Variants in CTNNA3 observed in about 807,000 individuals in gnomAD.
The protein encoded by CTNNA3 is catenin alpha-3.
Under a neutral mutation model 95.7 loss-of-function variants are expected in CTNNA3, and 76 were observed. The ratio of observed to expected loss-of-function variants is 0.79; its 90% CI spans 0.66 to 0.96. The LOEUF (loss-of-function observed/expected upper bound fraction) is 0.96, where lower values mean the gene tolerates loss of function less well. Among genes scored for constraint, CTNNA3 ranks in the 40% least tolerant of loss-of-function variants. CTNNA3 has a pLI of 0.00. For missense variants in CTNNA3, 1,191 were observed against 1,089.8 expected (o/e 1.09, Z -1.31); for synonymous variants, 431 against 374.4 (o/e 1.15, Z -1.74).
At chr10:66,831,781 C>A (rs566010382) in intron 7 of CTNNA3, among the ~76,000 whole-genome samples, 77 of 152,194 alleles carry the variant, frequency 5.1e-4, no homozygotes, top group Middle Eastern at 7.0e-3. Flanking sequence ...TGAAAACAAT[C>A]CACTATTTTT....
At chr10:66,778,678 T>C (rs949216704) in intron 7 of CTNNA3, among the ~76,000 whole-genome samples, 1 of 148,610 alleles carries the variant, frequency 6.7e-6, no homozygotes, top group Admixed American at 6.7e-5. Flanking sequence ...AAGACTTTAT[T>C]AAAAAAAAAA....
intron 2 of CTNNA3, among the ~76,000 whole-genome samples, chr10:67,644,757 AATT>A (rs1839653169): frequency 2.0e-5 from 3 of 151,958 alleles, no homozygotes; most frequent in Non-Finnish European, 4.4e-5. Flanking sequence ...ATATTATATA[AATT>A]ATTAATATTT....
At chr10:65,960,398 A>G (rs548225189) in intron 17 of CTNNA3, among the ~76,000 whole-genome samples, 30 of 152,112 alleles carry the variant, frequency 2.0e-4, no homozygotes, top group African/African-American at 6.0e-4. Flanking sequence ...CGTGGGGGGC[A>G]CCTGTAGTCC....
intron 6 of CTNNA3, among the ~76,000 whole-genome samples, chr10:67,214,795 T>A (rs1864279206): frequency 6.6e-6 from 1 of 152,016 alleles, no homozygotes; most frequent in Admixed American, 6.6e-5. Flanking sequence ...AGAACTCGGC[T>A]ATCATTCACA....
At chr10:66,333,068 G>A (rs2092350616) in intron 12 of CTNNA3, among the ~76,000 whole-genome samples, 1 of 151,840 alleles carries the variant, frequency 6.6e-6, no homozygotes, top group Non-Finnish European at 1.5e-5. Context: ...GGGATCGGTG[G>A]TGATATCCCC....
rs1008066185 is a variant in CTNNA3, at chr10:66,819,237, G to A, written c.1048-43713C>T. On this transcript the variant is annotated intron_variant, in intron 7 of 17. Transcript: ENST00000433211. ...AGAAGAGTACCAAGATAATTCAAAT[G>A]TGAAAAATATTATTTTCAACAAATG... Among the ~76,000 whole-genome samples the A allele has an allele frequency of 2.6e-5, 4 of 151,532 alleles. No individual in the cohort carries two copies. The South Asian group carries it at 6.3e-4, about 24-fold the overall frequency.
chr10:67,078,433 C>A (rs924527399), intron 7 of CTNNA3, among the ~76,000 whole-genome samples: 39 of 152,246 alleles, frequency 2.6e-4, no homozygotes, highest in African/African-American at 8.4e-4. Flanking sequence ...GAGGGACCAA[C>A]AAAATGTTAC....
chr10:66,904,702 G>A (rs1203469390), intron 7 of CTNNA3, among the ~76,000 whole-genome samples: 1 of 152,104 alleles, frequency 6.6e-6, no homozygotes, highest in Non-Finnish European at 1.5e-5. Flanking sequence ...CAAAAAGTGG[G>A]CAAAGGATAT....
intron 5 of CTNNA3, among the ~76,000 whole-genome samples, chr10:67,257,681 G>A (rs113281287): frequency 0.032 from 4,798 of 152,070 alleles, 243 homozygotes; most frequent in African/African-American, 0.11. Flanking sequence ...TTTTGGTCTT[G>A]TTTTGTCTTG....
chr10:66,732,598 G>T (rs1564646169), intron 9 of CTNNA3, among the ~76,000 whole-genome samples: 2 of 152,224 alleles, frequency 1.3e-5, no homozygotes, highest in Non-Finnish European at 2.9e-5. Context: ...AGAGGGAAAA[G>T]CTCTTTATAA....
chr10:67,406,220 C>T (rs940790166), intron 5 of CTNNA3, among the ~76,000 whole-genome samples: 1 of 152,196 alleles, frequency 6.6e-6, no homozygotes, highest in African/African-American at 2.4e-5. Context: ...GTCAATTAAA[C>T]CTCTTTTCTC....
At chr10:66,581,592 T>C (rs1843190535) in intron 10 of CTNNA3, among the ~76,000 whole-genome samples, 1 of 151,438 alleles carries the variant, frequency 6.6e-6, no homozygotes, top group African/African-American at 2.4e-5. Flanking sequence ...ATTTCAGTTT[T>C]TAAGTTGTCT....
chr10:67,378,290 T>C (rs1843771993), intron 5 of CTNNA3, among the ~76,000 whole-genome samples: 1 of 152,110 alleles, frequency 6.6e-6, no homozygotes, highest in South Asian at 2.1e-4. Context: ...TACAAAAGAG[T>C]TGTCATAATG....
At chr10:67,107,207 G>A (rs1282964346) in intron 7 of CTNNA3, among the ~76,000 whole-genome samples, 2 of 152,178 alleles carry the variant, frequency 1.3e-5, no homozygotes, top group Non-Finnish European at 2.9e-5. Context: ...GGAAGAGAAA[G>A]ACCAGGCTCA....
intron 1 of CTNNA3, among the ~76,000 whole-genome samples, chr10:67,658,722 C>T (rs1430774861): frequency 2.6e-5 from 4 of 152,196 alleles, no homozygotes; most frequent in African/African-American, 9.7e-5. Flanking sequence ...AGGGTTAGGG[C>T]TACAACTGTT....
chr10:67,469,621 C>T (rs142090759), intron 5 of CTNNA3, among the ~76,000 whole-genome samples: 1 of 150,938 alleles, frequency 6.6e-6, no homozygotes, highest in African/African-American at 2.4e-5. Flanking sequence ...GGGTGGGGGG[C>T]TAGAAGAGTG....
chr10:67,315,621 T>C (rs1390566963), intron 5 of CTNNA3, among the ~76,000 whole-genome samples: 2 of 152,056 alleles, frequency 1.3e-5, no homozygotes, highest in Non-Finnish European at 2.9e-5. Context: ...ACAAACTCAG[T>C]AATATCGAAA....
intron 11 of CTNNA3, among the ~76,000 whole-genome samples, chr10:66,432,135 AAAAC>A (rs1374053402): frequency 6.6e-6 from 1 of 152,062 alleles, no homozygotes; most frequent in African/African-American, 2.4e-5. Context: ...TTAATAATAA[AAAAC>A]AAATTTAGAA....
chr10:67,329,239 T>G (rs1290959611), intron 5 of CTNNA3, among the ~76,000 whole-genome samples: 2 of 152,148 alleles, frequency 1.3e-5, no homozygotes, highest in African/African-American at 4.8e-5. Flanking sequence ...GGCATAGTGA[T>G]GCATGCCTGT....
Sources: gnomAD v4.1 joint callset for allele counts (sites outside exome capture counted in the v4.1 genomes callset) on GRCh38, gnomAD v4.1.1 for gene constraint, MANE v1.5 for transcripts, NCBI Gene and HGNC (gene_info 2026-07-23, HGNC 2026-07-21) for gene names.